Variants in DBF4B observed in about 807,000 individuals in gnomAD.
DBF4B encodes the protein DBF4B-CDC7 kinase regulatory subunit.
DBF4B carries 49 observed loss-of-function variants against 53.4 expected under a neutral mutation model. The observed-to-expected ratio is 0.92, with a 90% confidence interval of 0.73 to 1.16. The LOEUF (loss-of-function observed/expected upper bound fraction) is 1.16, where lower values mean the gene tolerates loss of function less well. DBF4B is among the 50% of genes most tolerant of loss of function. The pLI is 0.00. For missense variants in DBF4B, 692 were observed against 775.0 expected (o/e 0.89, Z 1.27); for synonymous variants, 257 against 288.7 (o/e 0.89, Z 1.11).
In DBF4B at chr17:44,749,839, C is replaced by T; in HGVS notation, c.1190-756C>T. 1.9e-6 allele frequency: 2 copies of T among 1,035,294 alleles called. No homozygotes were observed. Among genetic ancestry groups the T allele is most frequent in the South Asian group, 7.4e-5 (2 of 27,040 alleles). The allele number at this position is 1,035,294 out of a possible 1,614,324, so 64.1% of individuals were successfully genotyped here. ...CAACCCCGGCCTCCTTTCTCACGAGCATGTGGCCGCTCCTGCTTTCCAAAA... is the reference window on the plus strand; with the variant it reads ...CAACCCCGGCCTCCTTTCTCACGAGTATGTGGCCGCTCCTGCTTTCCAAAA... On this transcript the variant is annotated intron_variant, in intron 13 of 13. Coordinates refer to ENST00000315005, the MANE Select transcript of DBF4B (RefSeq NM_145663.3). The surrounding 1 kb of genome is among the most constrained non-coding windows in gnomAD (Gnocchi z 4.4).
Position 44,751,534 on chromosome 17 carries a change from C to G in DBF4B, c.*281C>G. ...TGGCCCTCCAGCCCACCTCGCCAACCACTCTTGTTGGTTTCCTTCTCAGAC... is the reference window on the plus strand; with the variant it reads ...TGGCCCTCCAGCCCACCTCGCCAACGACTCTTGTTGGTTTCCTTCTCAGAC... On this transcript the variant is annotated 3_prime_UTR_variant, in exon 14 of 14. Coordinates refer to ENST00000315005, the MANE Select transcript of DBF4B (RefSeq NM_145663.3). 7.3e-7 allele frequency: 1 copy of G among 1,361,084 alleles called. No homozygotes were observed. The highest frequency in any genetic ancestry group is 9.4e-7 in the Non-Finnish European group (1 of 1,060,030). 84.3% of individuals were successfully genotyped at this position (1,361,084 alleles called of 1,614,324 possible).
At chr17:44,714,959 G>A (rs1386138725) in intron 2 of DBF4B, among the ~76,000 whole-genome samples, 1 of 152,132 alleles carries the variant, frequency 6.6e-6, no homozygotes, top group Non-Finnish European at 1.5e-5. Flanking sequence ...TACAATGTAA[G>A]TCAAATCCTG....
chr17:44,733,996 G>A, intron 6 of DBF4B, 94 bp from the exon 7 acceptor site: 2 of 1,013,150 alleles, frequency 2.0e-6, no homozygotes, highest in Admixed American at 1.8e-5. Context: ...CAGTGGGCTG[G>A]CCCAGCGAGT....
chr17:44,750,322 T>C lies in DBF4B; in HGVS notation c.1190-273T>C. On this transcript the variant is annotated intron_variant, in intron 13 of 13. Transcript: ENST00000315005. The stretch of plus-strand genomic sequence containing the variant: ...CTGCGTCCGTGCATTTAAAGAGTTG[T>C]CTCTTTAAATGTTGAAGCTTCCGGA... The C allele has an allele frequency of 1.6e-6, 2 of 1,223,330 alleles. 1 individual carries two copies. Among genetic ancestry groups the C allele is most frequent in the South Asian group, 6.1e-5 (2 of 32,866 alleles). 75.8% of individuals were successfully genotyped at this position (1,223,330 alleles called of 1,614,324 possible).
chr17:44,747,307 G>C (rs2049130336), intron 11 of DBF4B, 84 bp from the exon 12 acceptor site: 3 of 1,599,594 alleles, frequency 1.9e-6, no homozygotes, highest in Admixed American at 3.4e-5. Context: ...TCCAGGGCCA[G>C]AGCATGGGCT....
intron 2 of DBF4B, among the ~76,000 whole-genome samples, chr17:44,713,931 C>T (rs1162995640): frequency 6.6e-6 from 1 of 151,460 alleles, no homozygotes; most frequent in Non-Finnish European, 1.5e-5. Context: ...TTGCCTCTTT[C>T]CTGTGTTGGA....
intron 2 of DBF4B, among the ~76,000 whole-genome samples, chr17:44,710,900 T>C (rs1162408808): frequency 6.6e-6 from 1 of 152,038 alleles, no homozygotes. Context: ...ATTTTTATAT[T>C]TGTTCTTAAA....
At chr17:44,730,901 G>A (rs1184755056) in intron 4 of DBF4B, 64 bp from the exon 5 acceptor site, 73 of 1,578,050 alleles carry the variant, frequency 4.6e-5, no homozygotes, top group East Asian at 2.7e-4. Context: ...CAGCTCCTGT[G>A]TAAACATCTT....
At chr17:44,714,433 A>G (rs1484360539) in intron 2 of DBF4B, among the ~76,000 whole-genome samples, 1 of 152,148 alleles carries the variant, frequency 6.6e-6, no homozygotes, top group East Asian at 1.9e-4. Flanking sequence ...ACATTTATCC[A>G]TCTATATGCC....
At chr17:44,728,795 G>A (rs1974576502) in intron 3 of DBF4B, among the ~76,000 whole-genome samples, 1 of 150,150 alleles carries the variant, frequency 6.7e-6, no homozygotes, top group Non-Finnish European at 1.5e-5. Flanking sequence ...CCAGCCTGGT[G>A]ACAAAAAAAA....
Position 44,729,959 on chromosome 17 carries a change from G to C in DBF4B, c.280G>C (p.Glu94Gln), listed in dbSNP as rs772972999. Reference sequence around the variant, plus strand: ...AAGTTACATCGTGTCCAGCCGCAGAGAAGTAAAGGCAGAGAGCAGTGGGAA... The same window carrying C: ...AAGTTACATCGTGTCCAGCCGCAGACAAGTAAAGGCAGAGAGCAGTGGGAA... Reference protein sequence around the residue: ...EVSYIVSSRREVKAESSGKSH... With the variant: ...EVSYIVSSRRQVKAESSGKSH... Residue 94 changes from glutamate (E) to glutamine (Q), a missense_variant, in exon 4 of 14, where the codon GAA becomes CAA. This residue lies in a region of DBF4B where 597 missense variants were observed against 665.8 expected (regional missense o/e 0.90). Transcript: ENST00000315005. 5.0e-6 allele frequency: 8 copies of C among 1,614,090 alleles called. No individual in the cohort carries two copies. The East Asian group carries it at 6.7e-5, about 13-fold the overall frequency.
In DBF4B at chr17:44,736,821, T is replaced by G. The variant is rs150975491; in HGVS notation, c.631-9T>G. ...TCACATCCTTAACCTATTTTTCCTT[T>G]CCATTTAGGGAACATGTCCAGCAGC... On this transcript the variant is annotated splice_polypyrimidine_tract_variant and intron_variant, in intron 7 of 13. Transcript: ENST00000315005. 424 of 1,613,992 alleles carry G rather than the reference T, an allele frequency of 2.6e-4. No individual in the cohort carries two copies. The African/African-American group carries it at 4.7e-3, about 18-fold the overall frequency.
chr17:44,741,627 G>A (rs1341675833), intron 10 of DBF4B, among the ~76,000 whole-genome samples, 175 bp downstream of exon 10: 3 of 152,196 alleles, frequency 2.0e-5, no homozygotes, highest in Non-Finnish European at 4.4e-5. Context: ...TTTATTTTGT[G>A]TTCTTCATCC....
chr17:44,728,543 G>A (rs1413040202), intron 3 of DBF4B, among the ~76,000 whole-genome samples: 1 of 152,066 alleles, frequency 6.6e-6, no homozygotes, highest in Non-Finnish European at 1.5e-5. Context: ...ATGCAGCCAG[G>A]CACGGTGGCT....
chr17:44,732,435 G>A (rs1177674191), intron 6 of DBF4B, 170 bp downstream of exon 6: 11 of 733,248 alleles, frequency 1.5e-5, no homozygotes, highest in South Asian at 5.3e-5. Context: ...GGGGGAAAGC[G>A]GTGAGGACGC....
In DBF4B at chr17:44,752,195, G is replaced by A. The variant is rs905900542; in HGVS notation, c.*942G>A. 2.5e-5 allele frequency: 14 copies of A among 567,506 alleles called. No individual in the cohort carries two copies. Among genetic ancestry groups the A allele is most frequent in the East Asian group, 1.9e-4 (6 of 32,346 alleles). The allele number at this position is 567,506 out of a possible 1,614,324, so 35.2% of individuals were successfully genotyped here. On this transcript the variant is annotated 3_prime_UTR_variant, in exon 14 of 14. Transcript: ENST00000315005. ...TTATTACTCGGGCCTCAGTTTCCTC[G>A]TCTTTAAGTAAGGGGCTTGGATGAG...
rs775128494 is a variant in DBF4B, at chr17:44,747,988, C to G, written c.1065-353C>G. ...CTCCCACCTGGGGCTGTGGCTTCAC[C>G]TCTCACCCCAAATCTCCACCTCAAG... is the stretch of plus-strand genomic sequence containing the variant. On this transcript the variant is annotated intron_variant, in intron 12 of 13. Transcript: ENST00000315005. Among the ~76,000 whole-genome samples, 127 of 152,310 alleles carry G rather than the reference C, an allele frequency of 8.3e-4. 2 individuals are homozygous for G. The highest frequency in any genetic ancestry group is 2.0e-4 in the Admixed American group (3 of 15,296).
chr17:44,729,728 C>CACACACACACACACA (rs1190920013), intron 3 of DBF4B, among the ~76,000 whole-genome samples, 177 bp from the exon 4 acceptor site: 42 of 126,192 alleles, frequency 3.3e-4, no homozygotes, highest in African/African-American at 1.2e-3. Context: ...ACACACACAC[C>CACACACACACACACA]CCATTAGATT....
chr17:44,720,144 G>T, intron 2 of DBF4B: 1 of 318,214 alleles, frequency 3.1e-6, no homozygotes, highest in East Asian at 9.0e-5. Context: ...GGCGCCCAGT[G>T]GTGATGATCA....
Sources: allele counts gnomAD v4.1 joint callset (sites outside exome capture counted in the v4.1 genomes callset), GRCh38; gene constraint gnomAD v4.1.1; regional missense constraint gnomAD v4.1.1; non-coding constraint Gnocchi (gnomAD v3.1); transcripts MANE v1.5; gene names NCBI Gene and HGNC (gene_info 2026-07-23, HGNC 2026-07-21).